SBNO2: variants seen among roughly 807,000 people sequenced by gnomAD.
SBNO2 encodes protein strawberry notch homolog 2.
Under a neutral mutation model 146.3 loss-of-function variants are expected in SBNO2, and 89 were observed. That is an observed-to-expected ratio of 0.61 (90% CI 0.51 to 0.73). The LOEUF is 0.73. Among genes scored for constraint, SBNO2 ranks in the 30% least tolerant of loss-of-function variants. The pLI, the probability that SBNO2 is intolerant of heterozygous loss-of-function variation, is 0.00. For missense variants in SBNO2, 2,092 were observed against 2,003.7 expected, an observed-to-expected ratio of 1.04 and a Z score of -0.84; for synonymous variants, 1,147 against 892.6, an observed-to-expected ratio of 1.29 and a Z score of -5.08.
rs2080412564 is a variant in SBNO2 at position 1,165,854 on chromosome 19, CCCCAGAT to C, written c.-127+8311_-127+8317del. On this transcript the variant is annotated intron_variant, in intron 1 of 31. Transcript: ENST00000361757. Reference sequence around the variant, plus strand: ...CAGACCCCAGATCCCAGATCTCAGACCCCAGATCCCAGACCCCAGACCCCAGATCCCA... The same window carrying C: ...CAGACCCCAGATCCCAGATCTCAGACCCCAGACCCCAGACCCCAGATCCCA... Among the ~76,000 whole-genome samples, 3 of 107,098 alleles carry C rather than the reference CCCCAGAT, an allele frequency of 2.8e-5. No homozygotes were observed. In the South Asian group the frequency reaches 1.1e-3, roughly 38 times the overall value. 70.3% of individuals were successfully genotyped at this position (107,098 alleles called of 152,430 possible). A position where few individuals can be genotyped will look rare whatever the true frequency, so the allele number is the denominator to read the frequency against.
intron 4 of SBNO2, among the ~76,000 whole-genome samples, chr19:1,143,370 G>A (rs948445837): frequency 6.6e-6 from 1 of 152,160 alleles, no homozygotes; most frequent in Admixed American, 6.6e-5. Flanking sequence ...CCAGCTACTG[G>A]GGAAGCTGAG....
rs781665167 is a variant in SBNO2 at position 1,109,605 on chromosome 19, C to G, written c.3124-7G>C. ...GGCCGCGGTCCACGCTGATCTGCCACGGCACGGGGTGGGGGGGTGTGAGTG... is the reference window on the plus strand; with the variant it reads ...GGCCGCGGTCCACGCTGATCTGCCAGGGCACGGGGTGGGGGGGTGTGAGTG... On this transcript the variant is annotated splice_region_variant and splice_polypyrimidine_tract_variant and intron_variant, in intron 27 of 31. Coordinates refer to ENST00000361757, the MANE Select transcript of SBNO2 (RefSeq NM_014963.3). This position sits in a 1 kb window ranked among gnomAD's most constrained non-coding sequence, Gnocchi z 4.2. The G allele has an allele frequency of 6.8e-7, 1 of 1,467,648 alleles. No individual in the cohort carries two copies. The highest frequency in any genetic ancestry group is 9.3e-7 in the Non-Finnish European group (1 of 1,080,076). 90.9% of individuals were successfully genotyped at this position (1,467,648 alleles called of 1,614,324 possible). A position where few individuals can be genotyped will look rare whatever the true frequency, so the allele number is the denominator to read the frequency against.
Position 1,110,902 on chromosome 19 carries a change from G to T in SBNO2, c.2885-14C>A. On this transcript the variant is annotated splice_polypyrimidine_tract_variant and intron_variant, in intron 25 of 31. Coordinates refer to ENST00000361757, the MANE Select transcript of SBNO2 (RefSeq NM_014963.3). This position sits in a 1 kb window ranked among gnomAD's most constrained non-coding sequence, Gnocchi z 4.9. ...TGATGGAACAGTCTGGTAGGGGAGG[G>T]AGCCAAGCCTCAGGCTGCGCTGGGA... 1 of 1,612,742 alleles carries T rather than the reference G, an allele frequency of 6.2e-7. No homozygotes were observed. Among genetic ancestry groups the T allele is most frequent in the South Asian group, 1.1e-5 (1 of 91,074 alleles).
chr19:1,159,004 C>T (rs2080318519), intron 1 of SBNO2, among the ~76,000 whole-genome samples: 1 of 149,636 alleles, frequency 6.7e-6, no homozygotes, highest in African/African-American at 2.5e-5. Context: ...ACCCCACCTG[C>T]ACCCGCGACC....
Position 1,126,384 on chromosome 19 carries a change from C to T in SBNO2, c.441+1220G>A, listed in dbSNP as rs986084297. Among the ~76,000 whole-genome samples the T allele has an allele frequency of 1.9e-4, 29 of 152,262 alleles. No homozygotes were observed. The highest frequency in any genetic ancestry group is 6.5e-4 in the African/African-American group (27 of 41,572). ...CATTGGGTTTCAGATGCCCTCGTGC[C>T]GGCCACAGCAGGCCGGTCAGGCCCT... On this transcript the variant is annotated intron_variant, in intron 5 of 31. Coordinates refer to ENST00000361757, the MANE Select transcript of SBNO2 (RefSeq NM_014963.3). This position sits in a 1 kb window ranked among gnomAD's most constrained non-coding sequence, Gnocchi z 4.4.
At chr19:1,131,045 C>A (rs1016654428) in intron 4 of SBNO2, among the ~76,000 whole-genome samples, 2 of 152,266 alleles carry the variant, frequency 1.3e-5, no homozygotes, top group South Asian at 2.1e-4. Flanking sequence ...CAGGCCAGCT[C>A]CCCCCACAGT....
In SBNO2 at chr19:1,157,174, G is replaced by A. The variant is rs893738444; in HGVS notation, c.-126-2772C>T. ...CCCACCCCATGGTCCTGAGCCCTCCGGACCCTTCCCCCATTGACTCCGCCG... is the reference window on the plus strand; with the variant it reads ...CCCACCCCATGGTCCTGAGCCCTCCAGACCCTTCCCCCATTGACTCCGCCG... On this transcript the variant is annotated intron_variant, in intron 1 of 31. Coordinates refer to ENST00000361757, the MANE Select transcript of SBNO2 (RefSeq NM_014963.3). The surrounding 1 kb of genome is among the most constrained non-coding windows in gnomAD (Gnocchi z 6.8). Among the ~76,000 whole-genome samples, 4 of 151,914 alleles carry A rather than the reference G, an allele frequency of 2.6e-5. 1 individual carries two copies. Among genetic ancestry groups the A allele is most frequent in the Admixed American group, 2.0e-4 (3 of 15,258 alleles).
intron 23 of SBNO2, among the ~76,000 whole-genome samples, 187 bp from the exon 24 acceptor site, chr19:1,111,801 A>T (rs1044481757): frequency 2.6e-4 from 24 of 91,310 alleles, no homozygotes. Context: ...GTCCTCCCCC[A>T]GACCCCTGGA....
At chr19:1,143,265 C>A (rs1056360955) in intron 4 of SBNO2, among the ~76,000 whole-genome samples, 1 of 152,104 alleles carries the variant, frequency 6.6e-6, no homozygotes, top group Non-Finnish European at 1.5e-5. Flanking sequence ...ATCGCTTGAG[C>A]CCAGAAGTTT....
rs2079824484 is a variant in SBNO2, at chr19:1,115,818, C to T, written c.1885+203G>A. On this transcript the variant is annotated intron_variant, in intron 17 of 31. Coordinates refer to ENST00000361757, the MANE Select transcript of SBNO2 (RefSeq NM_014963.3). ...TCTGTGTCCTTCAGGCTGTCTGTTG[C>T]TTCCTCTTCCCTAAGCGTTCCATGG... The T allele has an allele frequency of 4.9e-6, 3 of 606,736 alleles. No individual in the cohort carries two copies. In the Admixed American group the frequency reaches 8.3e-5, roughly 17 times the overall value. The allele number at this position is 606,736 out of a possible 1,614,324, so 37.6% of individuals were successfully genotyped here.
chr19:1,147,441 G>C lies in SBNO2; in HGVS notation c.168-21C>G, dbSNP rs201230813. On this transcript the variant is annotated intron_variant, in intron 3 of 31. Transcript: ENST00000361757. ...ACGGGCTGGAGGGAGATGGGGGGGG[G>C]GGAGGTGAGATGGGGTGCTCAACCC... The C allele has an allele frequency of 5.2e-5, 63 of 1,203,564 alleles. 3 individuals carry two copies. Among genetic ancestry groups the C allele is most frequent in the Admixed American group, 3.3e-4 (13 of 38,984 alleles). 74.6% of individuals were successfully genotyped at this position (1,203,564 alleles called of 1,614,324 possible). A position where few individuals can be genotyped will look rare whatever the true frequency, so the allele number is the denominator to read the frequency against.
chr19:1,172,550 G>A (rs113144266), intron 1 of SBNO2, among the ~76,000 whole-genome samples: 204 of 152,312 alleles, frequency 1.3e-3, no homozygotes, highest in Non-Finnish European at 2.2e-3. Context: ...GTCAGGGAGA[G>A]ACATCCCAGG....
At position 1,169,508 on chromosome 19, in the gene SBNO2, C is replaced by G. The variant is rs113229176; in HGVS notation, c.-127+4664G>C. ...TGCCAAGAGCCCCGTAGGGCCCCTTCGAGTAGAATGCAGCATTCCCTGCCC... is the reference window on the plus strand; with the variant it reads ...TGCCAAGAGCCCCGTAGGGCCCCTTGGAGTAGAATGCAGCATTCCCTGCCC... On this transcript the variant is annotated intron_variant, in intron 1 of 31. Coordinates refer to ENST00000361757, the MANE Select transcript of SBNO2 (RefSeq NM_014963.3). Among the ~76,000 whole-genome samples the G allele has an allele frequency of 3.9e-4, 59 of 152,358 alleles. 1 individual carries two copies. Among genetic ancestry groups the G allele is most frequent in the Non-Finnish European group, 7.4e-4 (50 of 68,024 alleles).
intron 1 of SBNO2, among the ~76,000 whole-genome samples, chr19:1,169,802 G>T (rs1035408942): frequency 2.6e-5 from 4 of 152,186 alleles, no homozygotes; most frequent in Admixed American, 2.0e-4. Context: ...TCCACACCAG[G>T]AGGGGCACCT....
At chr19:1,165,699 C>T (rs1210567379) in intron 1 of SBNO2, among the ~76,000 whole-genome samples, 10 of 78,450 alleles carry the variant, frequency 1.3e-4, no homozygotes, top group South Asian at 5.3e-4. Context: ...AGATCTCAGA[C>T]CCCAGACCCC....
chr19:1,162,934 T>A (rs540782842), intron 1 of SBNO2, among the ~76,000 whole-genome samples: 1 of 152,210 alleles, frequency 6.6e-6, no homozygotes, highest in African/African-American at 2.4e-5. Context: ...GGGCCACCAA[T>A]GTGGACGGGA....
At position 1,112,343 on chromosome 19, in the gene SBNO2, G is replaced by A. The variant is rs1351550407; in HGVS notation, c.2516-42C>T. The A allele has an allele frequency of 6.4e-6, 10 of 1,565,672 alleles. No homozygotes were observed. Among genetic ancestry groups the A allele is most frequent in the Non-Finnish European group, 8.6e-6 (10 of 1,157,752 alleles). On this transcript the variant is annotated intron_variant, in intron 21 of 31. Transcript: ENST00000361757. This position sits in a 1 kb window ranked among gnomAD's most constrained non-coding sequence, Gnocchi z 5.9. Reference sequence around the variant, plus strand: ...TCTCAGGGCCCGGCCAGGCGGGGGCGGGGCCGAGACCATGTTGGGGGCGGG... The same window carrying A: ...TCTCAGGGCCCGGCCAGGCGGGGGCAGGGCCGAGACCATGTTGGGGGCGGG...
chr19:1,109,606 G>C lies in SBNO2; in HGVS notation c.3124-8C>G. 6.4e-7 allele frequency: 1 copy of C among 1,570,474 alleles called. No homozygotes were observed. The highest frequency in any genetic ancestry group is 8.6e-7 in the Non-Finnish European group (1 of 1,158,860). On this transcript the variant is annotated splice_region_variant and splice_polypyrimidine_tract_variant and intron_variant, in intron 27 of 31. Transcript: ENST00000361757. The surrounding 1 kb of genome is among the most constrained non-coding windows in gnomAD (Gnocchi z 4.2). ...GCCGCGGTCCACGCTGATCTGCCAC[G>C]GCACGGGGTGGGGGGGTGTGAGTGT...
intron 11 of SBNO2, among the ~76,000 whole-genome samples, 162 bp downstream of exon 11, chr19:1,121,977 T>C (rs1173654103): frequency 4.6e-5 from 7 of 152,062 alleles, no homozygotes; most frequent in East Asian, 1.9e-4. Context: ...TGAGCTCCAG[T>C]GGCCTCCAGC....
Sources: allele counts gnomAD v4.1 joint callset (sites outside exome capture counted in the v4.1 genomes callset), GRCh38; gene constraint gnomAD v4.1.1; non-coding constraint Gnocchi (gnomAD v3.1); transcripts MANE v1.5; gene names NCBI Gene and HGNC (gene_info 2026-07-23, HGNC 2026-07-21).